Variants in PPIG observed in about 807,000 individuals in gnomAD.
The protein encoded by PPIG is peptidylprolyl isomerase G.
In PPIG, 26 loss-of-function variants were observed where a neutral mutation model predicts 87.9. The ratio of observed to expected loss-of-function variants is 0.30; its 90% CI spans 0.22 to 0.41. The LOEUF (loss-of-function observed/expected upper bound fraction) is 0.41, where lower values mean the gene tolerates loss of function less well. Among genes scored for constraint, PPIG ranks in the 10% least tolerant of loss-of-function variants. The pLI is 1.00. For synonymous variants in PPIG, 308 were observed against 276.5 expected, an observed-to-expected ratio of 1.11 and a Z score of -1.13; for missense variants, 722 against 879.4, an observed-to-expected ratio of 0.82 and a Z score of 2.26.
Position 169,630,960 on chromosome 2 carries a change from A to G in PPIG, c.734A>G (p.Lys245Arg). The change falls in exon 10 of 14, where the codon AAG becomes AGG. Residue 245 changes from lysine to arginine, a missense_variant. This residue lies in a region of PPIG where 142 missense variants were observed against 152.8 expected (regional missense o/e 0.93). Transcript: ENST00000260970. ...RKNSRKHKKE[K>R]KKRKKSKKSA... ...AATTCCCGAAAACACAAGAAAGAAA[A>G]GAAAAAGCGAAAGAAAAGCAAGAAG... 2 of 1,595,554 alleles carry G rather than the reference A, an allele frequency of 1.3e-6. No individual in the cohort carries two copies. Among genetic ancestry groups the G allele is most frequent in the Non-Finnish European group, 1.7e-6 (2 of 1,175,676 alleles).
At chr2:169,630,736 A>G in intron 9 of PPIG, 38 bp from the exon 10 acceptor site, 1 of 1,533,380 alleles carries the variant, frequency 6.5e-7, no homozygotes, top group Non-Finnish European at 8.9e-7. Flanking sequence ...AAGTTTGTCT[A>G]AAAATTGTTG....
chr2:169,621,011 TACAG>T (rs1383072256), intron 9 of PPIG, among the ~76,000 whole-genome samples: 3 of 152,134 alleles, frequency 2.0e-5, no homozygotes, highest in Non-Finnish European at 2.9e-5. Context: ...ATCCCTATTT[TACAG>T]ACAAAGATAG....
At chr2:169,588,848 T>G (rs1197536041) in intron 1 of PPIG, among the ~76,000 whole-genome samples, 1 of 149,716 alleles carries the variant, frequency 6.7e-6, no homozygotes, top group Non-Finnish European at 1.5e-5. Context: ...TAATCCCAGC[T>G]ACTCGGAGGC....
intron 1 of PPIG, 187 bp downstream of exon 1, chr2:169,584,677 T>G (rs1377275350): frequency 5.8e-6 from 2 of 346,104 alleles, no homozygotes; most frequent in African/African-American, 4.5e-5. Flanking sequence ...CAGCAGTGCC[T>G]TTGCCGCTGT....
Position 169,637,510 on chromosome 2 carries a change from A to G in PPIG, c.2252A>G (p.Asp751Gly). 6.3e-7 allele frequency: 1 copy of G among 1,577,324 alleles called. No individual in the cohort carries two copies. The highest frequency in any genetic ancestry group is 8.5e-7 in the Non-Finnish European group (1 of 1,169,662). The change falls in exon 14 of 14, where the codon GAC becomes GGC. Residue 751 changes from aspartate to glycine, a missense_variant. Asp to Gly is a moderately conservative substitution (Grantham distance 94). Transcript: ENST00000260970. ...GAATCAAGCCCTGGAACAGATGAAG[A>G]CAAAAGCGGATGAGTGAGTTATATA... Reference protein sequence around the residue: ...DHESSPGTDEDKSG With the variant: ...DHESSPGTDEGKSG
Position 169,636,704 on chromosome 2 carries a change from A to G in PPIG, c.1446A>G (p.Glu482=). The part of the protein sequence containing the change: ...ERDSKHNRNE[E]KRMRSRSKGR... ...ATTCAAAACATAATAGAAATGAAGA[A>G]AAGAGGATGAGGTCAAGGAGTAAAG... is the stretch of plus-strand genomic sequence containing the variant. Residue 482 remains glutamate, a synonymous_variant, in exon 14 of 14, where the codon GAA becomes GAG. Transcript: ENST00000260970. 1 of 1,611,084 alleles carries G rather than the reference A, an allele frequency of 6.2e-7. No individual in the cohort carries two copies. Among genetic ancestry groups the G allele is most frequent in the Non-Finnish European group, 8.5e-7 (1 of 1,179,316 alleles).
chr2:169,627,494 G>A lies in PPIG; in HGVS notation c.548-3280G>A, dbSNP rs910379139. Reference sequence around the variant, plus strand: ...TTTATGAAATGTATTTAATACACTTGGTAAGTGGGCTTGCTGTTGTGTGGT... The same window carrying A: ...TTTATGAAATGTATTTAATACACTTAGTAAGTGGGCTTGCTGTTGTGTGGT... On this transcript the variant is annotated intron_variant, in intron 9 of 13. Transcript: ENST00000260970. 2.1e-4 allele frequency among the ~76,000 whole-genome samples: 32 copies of A among 152,094 alleles called. 1 individual carries two copies.
intron 12 of PPIG, among the ~76,000 whole-genome samples, chr2:169,633,773 T>A (rs1040724860): frequency 6.6e-6 from 1 of 152,076 alleles, no homozygotes; most frequent in Non-Finnish European, 1.5e-5. Context: ...CAAATTCCAG[T>A]GGATTCTTTT....
chr2:169,631,921 G>C lies in PPIG; in HGVS notation c.917G>C (p.Arg306Thr). ...GAAAGGAAAAACAGAGAGAGAGAAA[G>C]GGAAAGAGAGTGGTATGTGAATATG... ...EKERKNRERERERECNPPNSQ... is the reference protein window; with the variant it reads ...EKERKNRERETERECNPPNSQ... The change falls in exon 11 of 14, where the codon AGG becomes ACG. Residue 306 changes from arginine (R) to threonine (T), a missense_variant. Arg to Thr is a moderately conservative substitution (Grantham distance 71). Around this residue, in one of 4 missense-constraint regions of PPIG, gnomAD observed 142 missense variants for 152.8 expected, o/e 0.93. Transcript: ENST00000260970. 1 of 1,599,030 alleles carries C rather than the reference G, an allele frequency of 6.3e-7. No individual in the cohort carries two copies. Among genetic ancestry groups the C allele is most frequent in the East Asian group, 2.2e-5 (1 of 44,604 alleles).
At position 169,592,518 on chromosome 2, in the gene PPIG, A is replaced by G. The variant is rs372271654; in HGVS notation, c.-70+8028A>G. ...ACGGGGTTTCACCATGTTAGCCAGG[A>G]TGGTCTCAATCTCCTGGCCTTGTGA... On this transcript the variant is annotated intron_variant, in intron 1 of 13. Coordinates refer to ENST00000260970, the MANE Select transcript of PPIG (RefSeq NM_004792.3). Among the ~76,000 whole-genome samples, 123 of 151,830 alleles carry G rather than the reference A, an allele frequency of 8.1e-4. 1 individual carries two copies. The highest frequency in any genetic ancestry group is 5.3e-3 in the Admixed American group (80 of 15,236).
At chr2:169,636,340 TATC>T in intron 13 of PPIG, 70 bp from the exon 14 acceptor site, 1 of 1,467,422 alleles carries the variant, frequency 6.8e-7, no homozygotes, top group Non-Finnish European at 9.1e-7. Flanking sequence ...AAAAGTAGAA[TATC>T]ATTTTAGCTA....
chr2:169,598,268 G>C (rs1419753361), intron 1 of PPIG, among the ~76,000 whole-genome samples: 2 of 152,092 alleles, frequency 1.3e-5, no homozygotes, highest in African/African-American at 4.8e-5. Context: ...TAAAGTGTAA[G>C]CCACTGCATC....
At position 169,607,244 on chromosome 2, in the gene PPIG, T is replaced by C. The variant is rs1247511650; in HGVS notation, c.289+96T>C. The C allele has an allele frequency of 9.1e-6, 7 of 771,632 alleles. No homozygotes were observed. In the Admixed American group the frequency reaches 1.8e-4, roughly 20 times the overall value. The allele number at this position is 771,632 out of a possible 1,614,324, so 47.8% of individuals were successfully genotyped here. A position where few individuals can be genotyped will look rare whatever the true frequency, so the allele number is the denominator to read the frequency against. On this transcript the variant is annotated intron_variant, in intron 6 of 13. Coordinates refer to ENST00000260970, the MANE Select transcript of PPIG (RefSeq NM_004792.3). ...CAATAACATTATTCATTAAAGGGTA[T>C]ACTAATGTCTAGCTGCCTTCAACTA...
At chr2:169,624,583 T>C (rs996617009) in intron 9 of PPIG, among the ~76,000 whole-genome samples, 16 of 152,062 alleles carry the variant, frequency 1.1e-4, no homozygotes, top group African/African-American at 3.6e-4. Flanking sequence ...AGTTAGGAAG[T>C]AGGGTTTTGT....
In PPIG at chr2:169,639,566, A is replaced by G. The variant is rs1249155215; in HGVS notation, c.*2043A>G. The G allele has an allele frequency of 6.6e-6, 1 of 152,118 alleles. No individual in the cohort carries two copies. Among genetic ancestry groups the G allele is most frequent in the Non-Finnish European group, 1.5e-5 (1 of 67,964 alleles). The allele number at this position is 152,118 out of a possible 1,614,324, so 9.4% of individuals were successfully genotyped here. A position where few individuals can be genotyped will look rare whatever the true frequency, so the allele number is the denominator to read the frequency against. The stretch of plus-strand genomic sequence containing the variant: ...AAAAATTGTAGTAATTTCTATAGGC[A>G]ATATTCTGTTTGGGTTATCAAAAGA... On this transcript the variant is annotated 3_prime_UTR_variant, in exon 14 of 14. Coordinates refer to ENST00000260970, the MANE Select transcript of PPIG (RefSeq NM_004792.3).
intron 8 of PPIG, 24 bp downstream of exon 8, chr2:169,614,517 A>G (rs750639746): frequency 6.4e-7 from 1 of 1,557,578 alleles, no homozygotes; most frequent in East Asian, 2.3e-5. Flanking sequence ...TATTTATTTT[A>G]CAACCTGTTT....
chr2:169,603,967 A>G (rs1685253045), intron 2 of PPIG, 59 bp from the exon 3 acceptor site: 2 of 1,360,920 alleles, frequency 1.5e-6, no homozygotes, highest in Admixed American at 2.1e-5. Flanking sequence ...TTTTCCAGAA[A>G]TTTGTGAAAG....
intron 9 of PPIG, among the ~76,000 whole-genome samples, chr2:169,621,779 A>G (rs1361243478): frequency 6.7e-6 from 1 of 150,306 alleles, no homozygotes; most frequent in East Asian, 2.0e-4. Context: ...CACTTGTGTT[A>G]GGATCTGTTG....
rs1323852220 is a variant in PPIG at position 169,637,178 on chromosome 2, C to A, written c.1920C>A (p.Asn640Lys). ...AGAGAGAAGAAAGTCAAAGCAGAAACAAAGACAAATACAGAAACCAAGAGA... is the reference window on the plus strand; with the variant it reads ...AGAGAGAAGAAAGTCAAAGCAGAAAAAAAGACAAATACAGAAACCAAGAGA... ...SSEREESQSR[N>K]KDKYRNQESK... is the part of the protein sequence containing the mutation. The change falls in exon 14 of 14, where the codon AAC (asparagine) becomes AAA (lysine). Residue 640 changes from asparagine (N) to lysine (K), a missense_variant. Physicochemically the swap from Asn to Lys is moderately conservative, Grantham distance 94 (BLOSUM62 0). Transcript: ENST00000260970. 1.2e-6 allele frequency: 2 copies of A among 1,612,780 alleles called. No individual in the cohort carries two copies. The highest frequency in any genetic ancestry group is 4.5e-5 in the East Asian group (2 of 44,830).
Sources: allele counts gnomAD v4.1 joint callset (sites outside exome capture counted in the v4.1 genomes callset), GRCh38; gene constraint gnomAD v4.1.1; regional missense constraint gnomAD v4.1.1; transcripts MANE v1.5; gene names NCBI Gene and HGNC (gene_info 2026-07-23, HGNC 2026-07-21).